The following TG variants were observed in gnomAD, a reference collection of about 807,000 sequenced individuals.
The protein encoded by TG is thyroid hormones.
TG carries 270 observed loss-of-function variants against 324.7 expected under a neutral mutation model. The ratio of observed to expected loss-of-function variants is 0.83; its 90% confidence interval spans 0.75 to 0.92. TG has a LOEUF of 0.92. Ranked by LOEUF, TG falls within the 40% of genes least tolerant of loss-of-function variation. The probability of loss-of-function intolerance (pLI) is 0.00; values close to 1 mark genes in which losing one functional copy is unlikely to be tolerated. For synonymous variants in TG, 1,401 were observed against 1,327.0 expected (o/e 1.06, Z -1.21); for missense variants, 3,591 against 3,456.4 (o/e 1.04, Z -0.98).
intron 41 of TG, among the ~76,000 whole-genome samples, chr8:133,039,312 C>G (rs1837718928): frequency 6.6e-6 from 1 of 152,194 alleles, no homozygotes; most frequent in African/African-American, 2.4e-5. Context: ...CTTAACCCGT[C>G]TGAACTGCTC....
intron 34 of TG, among the ~76,000 whole-genome samples, chr8:132,980,607 C>T (rs1267025088): frequency 1.3e-5 from 2 of 152,108 alleles, no homozygotes; most frequent in Non-Finnish European, 2.9e-5. Flanking sequence ...CATGGAGACC[C>T]CCAATTTATA....
rs141465070 is a variant in TG at position 133,125,239 on chromosome 8, T to G, written c.7863-6573T>G. Among the ~76,000 whole-genome samples, 1,460 of 152,278 alleles carry G rather than the reference T, an allele frequency of 9.6e-3. 20 individuals are homozygous for G. Among genetic ancestry groups the G allele is most frequent in the African/African-American group, 0.034 (1,394 of 41,532 alleles). On this transcript the variant is annotated intron_variant, in intron 45 of 47. Coordinates refer to ENST00000220616, the MANE Select transcript of TG (RefSeq NM_003235.5). ...GGGGCTGATGGGTATCTAGGAATAG[T>G]GTGTAAAGAATAGACAATACACACA...
At chr8:133,005,289 G>T (rs557176234) in intron 35 of TG, among the ~76,000 whole-genome samples, 1 of 152,168 alleles carries the variant, frequency 6.6e-6, no homozygotes, top group African/African-American at 2.4e-5. Context: ...GGGGGACAGG[G>T]GGACAGTGGG....
chr8:133,057,231 A>G (rs1444209151), intron 41 of TG, among the ~76,000 whole-genome samples: 4 of 152,192 alleles, frequency 2.6e-5, no homozygotes, highest in Non-Finnish European at 5.9e-5. Context: ...GAGGGGAAAA[A>G]GATCACAGCA....
chr8:133,005,493 G>A (rs1449581575), intron 35 of TG, among the ~76,000 whole-genome samples: 1 of 152,180 alleles, frequency 6.6e-6, no homozygotes, highest in African/African-American at 2.4e-5. Context: ...AGACGGTGAA[G>A]GTGGCTGTGT....
At chr8:133,089,491 G>T (rs1166106891) in intron 41 of TG, among the ~76,000 whole-genome samples, 1 of 152,124 alleles carries the variant, frequency 6.6e-6, no homozygotes, top group African/African-American at 2.4e-5. Flanking sequence ...ATTCCTCATT[G>T]CCCGTTGCCT....
intron 35 of TG, among the ~76,000 whole-genome samples, chr8:132,991,636 G>T (rs1192896673): frequency 6.6e-6 from 1 of 152,188 alleles, no homozygotes; most frequent in South Asian, 2.1e-4. Flanking sequence ...TATCCCAGGG[G>T]CCAGCAAGAC....
At position 133,082,066 on chromosome 8, in the gene TG, C is replaced by T. The variant is rs140059938; in HGVS notation, c.7240-12978C>T. On this transcript the variant is annotated intron_variant, in intron 41 of 47. Transcript: ENST00000220616. The stretch of plus-strand genomic sequence containing the variant: ...AAGGGCACAGAGATCCTTGTGAACT[C>T]TGTTTAAGGACACAGACAAAAGACA... Among the ~76,000 whole-genome samples, 17 of 152,292 alleles carry T rather than the reference C, an allele frequency of 1.1e-4. No homozygotes were observed. The East Asian group carries it at 3.3e-3, about 29-fold the overall frequency.
At chr8:132,868,412 A>G (rs1456510254) in intron 2 of TG, among the ~76,000 whole-genome samples, 189 bp downstream of exon 2, 2 of 151,578 alleles carry the variant, frequency 1.3e-5, no homozygotes, top group African/African-American at 4.8e-5. Context: ...CAGTTCCCCA[A>G]GCTGTTCAAC....
chr8:132,900,409 G>A (rs751026847), intron 15 of TG, 70 bp downstream of exon 15: 23 of 1,433,500 alleles, frequency 1.6e-5, no homozygotes, highest in Non-Finnish European at 2.2e-5. Context: ...AGTCCAAAGA[G>A]CTGGCTTCGT....
chr8:132,967,852 G>T lies in TG; in HGVS notation c.5745G>T (p.Leu1915Phe). The T allele has an allele frequency of 3.7e-6, 6 of 1,614,000 alleles. No individual in the cohort carries two copies. Among genetic ancestry groups the T allele is most frequent in the Non-Finnish European group, 5.1e-6 (6 of 1,179,942 alleles). ...CAGAGATAACAGAGAGTGCATCCTT[G>T]TACTTCACCTGCACCCTCTACCCAG... Reference protein sequence around the residue: ...QLAEITESASLYFTCTLYPEA... With the variant: ...QLAEITESASFYFTCTLYPEA... The change falls in exon 31 of 48, where the codon TTG (leucine) becomes TTT (phenylalanine). Residue 1915 changes from leucine to phenylalanine, a missense_variant. By Grantham distance (22) the Leu-to-Phe change is conservative. Coordinates refer to ENST00000220616, the MANE Select transcript of TG (RefSeq NM_003235.5).
Position 132,940,862 on chromosome 8 carries a change from A to T in TG, c.5042-489A>T, listed in dbSNP as rs78936005. On this transcript the variant is annotated intron_variant, in intron 25 of 47. Transcript: ENST00000220616. ...GGCAATGACATGCTCAGAAAACTGT[A>T]GATAGTGCAAGCAATGTGACTTCAG... is the stretch of plus-strand genomic sequence containing the variant. Among the ~76,000 whole-genome samples the T allele has an allele frequency of 5.9e-5, 9 of 152,354 alleles. No homozygotes were observed. The East Asian group carries it at 1.7e-3, about 29-fold the overall frequency.
At chr8:133,043,820 C>T (rs1283484599) in intron 41 of TG, among the ~76,000 whole-genome samples, 4 of 152,174 alleles carry the variant, frequency 2.6e-5, no homozygotes, top group Non-Finnish European at 5.9e-5. Context: ...ACAAAGTTGC[C>T]CCAGTGTGTG....
intron 14 of TG, among the ~76,000 whole-genome samples, chr8:132,899,854 T>A (rs1028350200): frequency 6.6e-6 from 1 of 152,188 alleles, no homozygotes; most frequent in African/African-American, 2.4e-5. Flanking sequence ...CTTGTCAAAA[T>A]CATTTCTGGA....
chr8:132,884,019 A>G (rs1815039068), intron 8 of TG, among the ~76,000 whole-genome samples: 1 of 152,156 alleles, frequency 6.6e-6, no homozygotes, highest in African/African-American at 2.4e-5. Flanking sequence ...GGTTTAGGGC[A>G]GCATTACTGT....
intron 4 of TG, among the ~76,000 whole-genome samples, chr8:132,871,948 C>T (rs2132050004): frequency 6.6e-6 from 1 of 152,204 alleles, no homozygotes; most frequent in Middle Eastern, 3.4e-3. Flanking sequence ...TTCCTATTTC[C>T]TAGTGATGTA....
chr8:132,877,070 T>C (rs1813913300), intron 5 of TG, among the ~76,000 whole-genome samples: 1 of 152,188 alleles, frequency 6.6e-6, no homozygotes, highest in Non-Finnish European at 1.5e-5. Flanking sequence ...ATCACCCTCA[T>C]TACAGACACC....
chr8:133,076,063 G>C (rs1359285940), intron 41 of TG: 1 of 152,170 alleles, frequency 6.6e-6, no homozygotes, highest in Non-Finnish European at 1.5e-5. Context: ...AGAGCTTATT[G>C]ATGAAACAGG....
intron 43 of TG, among the ~76,000 whole-genome samples, chr8:133,099,755 C>T (rs1848968016): frequency 6.6e-6 from 1 of 152,176 alleles, no homozygotes; most frequent in Non-Finnish European, 1.5e-5. Flanking sequence ...CTCTCTCATA[C>T]CCTACCAGCA....
Sources: allele counts gnomAD v4.1 joint callset (sites outside exome capture counted in the v4.1 genomes callset), GRCh38; gene constraint gnomAD v4.1.1; transcripts MANE v1.5; gene names NCBI Gene and HGNC (gene_info 2026-07-23, HGNC 2026-07-21).